DHX9: variants seen among roughly 807,000 people sequenced by gnomAD.
The protein encoded by DHX9 is DExH-box helicase 9, also known as ATP-dependent RNA helicase A.
DHX9 carries 27 observed loss-of-function variants against 148.7 expected under a neutral mutation model. The observed-to-expected ratio is 0.18, with a 90% confidence interval of 0.13 to 0.25. The LOEUF (loss-of-function observed/expected upper bound fraction) is 0.25, where lower values mean the gene tolerates loss of function less well. Ranked by LOEUF, DHX9 falls within the 10% of genes least tolerant of loss-of-function variation. The pLI, the probability that DHX9 is intolerant of heterozygous loss-of-function variation, is 1.00. For synonymous variants in DHX9, 529 were observed against 516.6 expected (o/e 1.02, Z -0.33); for missense variants, 796 against 1,559.6 (o/e 0.51, Z 8.25).
In DHX9 at chr1:182,872,622, C is replaced by A. The variant is rs1328570643; in HGVS notation, c.1714+129C>A. ...GGACAAATTATAGTATCAAATGTAT[C>A]ATAGCATTTTTGAGGAGTTTCTCTT... On this transcript the variant is annotated intron_variant, in intron 15 of 27. Coordinates refer to ENST00000367549, the MANE Select transcript of DHX9 (RefSeq NM_001357.5). 6 of 1,053,350 alleles carry A rather than the reference C, an allele frequency of 5.7e-6. No individual in the cohort carries two copies. In the African/African-American group the frequency reaches 8.0e-5, roughly 14 times the overall value. The allele number at this position is 1,053,350 out of a possible 1,614,324, so 65.3% of individuals were successfully genotyped here.
chr1:182,885,974 A>G (rs1649303154), intron 27 of DHX9, among the ~76,000 whole-genome samples: 1 of 152,192 alleles, frequency 6.6e-6, no homozygotes, highest in Non-Finnish European at 1.5e-5. Context: ...TCCGGAAACT[A>G]GAAAGAAAGG....
intron 3 of DHX9, among the ~76,000 whole-genome samples, chr1:182,846,577 G>C (rs1668034144): frequency 6.6e-6 from 1 of 152,192 alleles, no homozygotes; most frequent in Non-Finnish European, 1.5e-5. Flanking sequence ...CTGTCTACTT[G>C]CTGTTTTCTG....
intron 3 of DHX9, among the ~76,000 whole-genome samples, chr1:182,851,174 C>T (rs1283162481): frequency 6.6e-6 from 1 of 152,048 alleles, no homozygotes; most frequent in Non-Finnish European, 1.5e-5. Flanking sequence ...TATAAGCTCT[C>T]TAGAAGAAAG....
rs12059497 is a variant in DHX9, at chr1:182,859,467, A to G, written c.1140+350A>G. Among the ~76,000 whole-genome samples the G allele has an allele frequency of 8.5e-4, 130 of 152,376 alleles. 1 individual carries two copies. Among genetic ancestry groups the G allele is most frequent in the African/African-American group, 2.9e-3 (121 of 41,590 alleles). ...AATGAGAATTTAGTTTTTGGACAAC[A>G]TCAAAAGATACATTCTTCAGAAGTG... On this transcript the variant is annotated intron_variant, in intron 11 of 27. Coordinates refer to ENST00000367549, the MANE Select transcript of DHX9 (RefSeq NM_001357.5).
intron 26 of DHX9, among the ~76,000 whole-genome samples, chr1:182,884,221 C>T (rs1649217144): frequency 6.6e-6 from 1 of 152,088 alleles, no homozygotes; most frequent in East Asian, 1.9e-4. Flanking sequence ...TTGCAATGAG[C>T]TATCACGCCA....
intron 3 of DHX9, among the ~76,000 whole-genome samples, chr1:182,849,336 T>G (rs1668089785): frequency 6.6e-6 from 1 of 152,248 alleles, no homozygotes; most frequent in Non-Finnish European, 1.5e-5. Context: ...TTTCTTAGAT[T>G]ATTTTGGAGC....
intron 16 of DHX9, 118 bp from the exon 17 acceptor site, chr1:182,875,932 T>C (rs1189253364): frequency 4.0e-6 from 3 of 754,598 alleles, no homozygotes; most frequent in Admixed American, 5.4e-5. Flanking sequence ...AGTGTGTGAC[T>C]AGTCAACTAG....
rs896071282 is a variant in DHX9, at chr1:182,883,504, CTT to C, written c.3145-14_3145-13del. 17 of 1,609,554 alleles carry C rather than the reference CTT, an allele frequency of 1.1e-5. No individual in the cohort carries two copies. Among genetic ancestry groups the C allele is most frequent in the African/African-American group, 1.3e-5 (1 of 74,860 alleles). The stretch of plus-strand genomic sequence containing the variant: ...GAATGTCAACCATTTTGTATTGTCT[CTT>C]TCTCCATTTGCAGATTCGAACTCGA... On this transcript the variant is annotated splice_polypyrimidine_tract_variant and intron_variant, in intron 25 of 27. Transcript: ENST00000367549.
intron 8 of DHX9, 82 bp downstream of exon 8, chr1:182,858,322 A>C: frequency 5.4e-6 from 8 of 1,481,300 alleles, no homozygotes; most frequent in South Asian, 1.3e-5. Flanking sequence ...GAAGAAGTTT[A>C]ATTTTAAGAA....
chr1:182,878,213 C>T (rs371582258), intron 20 of DHX9, 40 bp downstream of exon 20: 2 of 1,609,560 alleles, frequency 1.2e-6, no homozygotes, highest in Non-Finnish European at 1.7e-6. Context: ...GATTTTTGTT[C>T]TGTTCTCTGT....
Position 182,876,072 on chromosome 1 carries a change from G to T in DHX9, c.1838G>T (p.Gly613Val). 6.2e-7 allele frequency: 1 copy of T among 1,613,846 alleles called. No individual in the cohort carries two copies. The highest frequency in any genetic ancestry group is 8.5e-7 in the Non-Finnish European group (1 of 1,179,828). The change falls in exon 17 of 28, where the codon GGT becomes GTT. Residue 613 changes from glycine (G) to valine (V), a missense_variant. This residue lies in a region of DHX9 where 133 missense variants were observed against 223.8 expected (regional missense o/e 0.59). Coordinates refer to ENST00000367549, the MANE Select transcript of DHX9 (RefSeq NM_001357.5). ...CAGGCAAATTGCAACTTGATCTGTGGTGATGAATATGGTCCAGAAACAAGG... is the reference window on the plus strand; with the variant it reads ...CAGGCAAATTGCAACTTGATCTGTGTTGATGAATATGGTCCAGAAACAAGG... ...DDDANCNLIC[G>V]DEYGPETRLS...
chr1:182,840,842 G>C (rs1027042296), intron 1 of DHX9, among the ~76,000 whole-genome samples: 1 of 152,178 alleles, frequency 6.6e-6, no homozygotes, highest in African/African-American at 2.4e-5. Flanking sequence ...GAGTAACTTG[G>C]TGGATGTCGT....
At chr1:182,860,747 T>A (rs1013626781) in intron 12 of DHX9, among the ~76,000 whole-genome samples, 1 of 152,244 alleles carries the variant, frequency 6.6e-6, no homozygotes, top group Non-Finnish European at 1.5e-5. Context: ...CTTTTAGGAT[T>A]CTTCCTTTTA....
chr1:182,864,806 C>T (rs922600291), intron 12 of DHX9, among the ~76,000 whole-genome samples: 1 of 152,180 alleles, frequency 6.6e-6, no homozygotes, highest in Non-Finnish European at 1.5e-5. Context: ...GTATTTAAAA[C>T]CTCTATCATG....
In DHX9 at chr1:182,853,421, A is replaced by G; in HGVS notation, c.477+3A>G. The G allele has an allele frequency of 6.2e-7, 1 of 1,608,800 alleles. No homozygotes were observed. The highest frequency in any genetic ancestry group is 1.3e-5 in the African/African-American group (1 of 74,948). On this transcript the variant is annotated splice_donor_region_variant and intron_variant, in intron 5 of 27. Transcript: ENST00000367549. The stretch of plus-strand genomic sequence containing the variant: ...AGGAAGAACAAGAAGTGCAAGCGGT[A>G]AGGCCAGCACCGTAGGTTACATCTC...
intron 14 of DHX9, among the ~76,000 whole-genome samples, chr1:182,871,285 A>T (rs1378880816): frequency 6.6e-6 from 1 of 152,220 alleles, no homozygotes; most frequent in Non-Finnish European, 1.5e-5. Context: ...GGAGATACTC[A>T]ATCTCATTGG....
chr1:182,873,018 C>T (rs1648611799), intron 15 of DHX9, among the ~76,000 whole-genome samples: 1 of 152,152 alleles, frequency 6.6e-6, no homozygotes. Context: ...TAGTGGTGCA[C>T]TCACTTGGCT....
chr1:182,853,163 G>C (rs568693996), intron 4 of DHX9, 143 bp from the exon 5 acceptor site: 2 of 593,818 alleles, frequency 3.4e-6, no homozygotes, highest in Non-Finnish European at 6.0e-6. Flanking sequence ...CTGACCACAC[G>C]TGATACCCAC....
At chr1:182,849,079 C>A (rs1571298670) in intron 3 of DHX9, among the ~76,000 whole-genome samples, 1 of 152,190 alleles carries the variant, frequency 6.6e-6, no homozygotes, top group African/African-American at 2.4e-5. Flanking sequence ...AAACTGTTAC[C>A]AGCTACCATC....
Sources: gnomAD v4.1 joint callset for allele counts (sites outside exome capture counted in the v4.1 genomes callset) on GRCh38, gnomAD v4.1.1 for gene constraint, gnomAD v4.1.1 regional missense constraint, MANE v1.5 for transcripts, NCBI Gene and HGNC (gene_info 2026-07-23, HGNC 2026-07-21) for gene names.